The following SMARCC1 variants were observed in gnomAD, a reference collection of about 807,000 sequenced individuals.
SMARCC1 encodes the protein SWI/SNF complex subunit SMARCC1.
Under a neutral mutation model 147.4 loss-of-function variants are expected in SMARCC1, and 43 were observed. That is an observed-to-expected ratio of 0.29 (90% CI 0.23 to 0.38). The LOEUF (loss-of-function observed/expected upper bound fraction) is 0.38. Among genes scored for constraint, SMARCC1 ranks in the 10% least tolerant of loss-of-function variants. The pLI, the probability that SMARCC1 is intolerant of heterozygous loss-of-function variation, is 1.00. For synonymous variants in SMARCC1, 495 were observed against 484.4 expected, an observed-to-expected ratio of 1.02 and a Z score of -0.29; for missense variants, 1,119 against 1,381.1, an observed-to-expected ratio of 0.81 and a Z score of 3.01.
At chr3:47,768,439 G>A (rs2034866621) in intron 2 of SMARCC1, among the ~76,000 whole-genome samples, 1 of 152,044 alleles carries the variant, frequency 6.6e-6, no homozygotes, top group African/African-American at 2.4e-5. Flanking sequence ...TTAGTTCCCA[G>A]GAGTCAAATA....
rs1217987193 is a variant in SMARCC1, at chr3:47,678,309, T to C, written c.1460A>G (p.Tyr487Cys). ...AATCATAAAATTTCGATATGCCAAGTATCTAAAAAGCAATGGCAAAATTCA... is the reference window on the plus strand; with the variant it reads ...AATCATAAAATTTCGATATGCCAAGCATCTAAAAAGCAATGGCAAAATTCA... Reference protein sequence around the residue: ...GKNKSKTPEIYLAYRNFMIDT... With the variant: ...GKNKSKTPEICLAYRNFMIDT... The change falls in exon 16 of 28, where the codon TAC becomes TGC. Residue 487 changes from tyrosine (Y) to cysteine (C), a missense_variant and splice_region_variant. By Grantham distance (194) the Tyr-to-Cys change is radical. Coordinates refer to ENST00000254480, the MANE Select transcript of SMARCC1 (RefSeq NM_003074.4). 6.4e-7 allele frequency: 1 copy of C among 1,564,150 alleles called. No individual in the cohort carries two copies. The highest frequency in any genetic ancestry group is 8.7e-7 in the Non-Finnish European group (1 of 1,146,002).
intron 19 of SMARCC1, among the ~76,000 whole-genome samples, chr3:47,667,094 G>A (rs555609335): frequency 2.8e-4 from 42 of 152,228 alleles, no homozygotes; most frequent in South Asian, 6.2e-4. Flanking sequence ...GAGGTGGGCC[G>A]ATCACGAGGT....
chr3:47,771,218 T>C (rs1257240411), intron 2 of SMARCC1, among the ~76,000 whole-genome samples: 1 of 152,194 alleles, frequency 6.6e-6, no homozygotes, highest in African/African-American at 2.4e-5. Flanking sequence ...CTATTATTTC[T>C]TATTCTCAAT....
chr3:47,774,197 T>C (rs1005689737), intron 1 of SMARCC1, among the ~76,000 whole-genome samples: 1 of 151,502 alleles, frequency 6.6e-6, no homozygotes, highest in African/African-American at 2.4e-5. Flanking sequence ...GCTACTACCA[T>C]TGAAACTTAC....
intron 21 of SMARCC1, 34 bp downstream of exon 21, chr3:47,661,260 T>C (rs778417556): frequency 1.3e-6 from 2 of 1,565,010 alleles, no homozygotes; most frequent in Admixed American, 2.0e-5. Flanking sequence ...CAAACATATA[T>C]TAACCCTGTC....
At chr3:47,715,350 T>C (rs1182092050) in intron 7 of SMARCC1, among the ~76,000 whole-genome samples, 1 of 152,178 alleles carries the variant, frequency 6.6e-6, no homozygotes, top group Non-Finnish European at 1.5e-5. Flanking sequence ...CGATGTACTC[T>C]AGCCAATCAT....
At chr3:47,661,554 T>A in intron 20 of SMARCC1, 99 bp from the exon 21 acceptor site, 3 of 916,448 alleles carry the variant, frequency 3.3e-6, no homozygotes, top group Non-Finnish European at 5.0e-6. Flanking sequence ...TATTATTGTC[T>A]TAGGTGTAGC....
chr3:47,636,786 ATATGTGTGTG>A (rs57778416), intron 22 of SMARCC1, among the ~76,000 whole-genome samples: 11,370 of 140,914 alleles, frequency 0.081, 538 homozygotes, highest in East Asian at 0.12. Context: ...CAAAATATAT[ATATGTGTGTG>A]TGTGTGTGTG....
chr3:47,683,248 G>A (rs1016360218), intron 14 of SMARCC1, among the ~76,000 whole-genome samples: 58 of 151,672 alleles, frequency 3.8e-4, no homozygotes, highest in Non-Finnish European at 1.5e-4. Flanking sequence ...GGGTTTCACC[G>A]TGTTAGCCAG....
chr3:47,639,595 C>T (rs1435033739), intron 21 of SMARCC1, among the ~76,000 whole-genome samples: 3 of 151,932 alleles, frequency 2.0e-5, no homozygotes, highest in African/African-American at 7.3e-5. Context: ...GCACCTATAG[C>T]CCTAGTTACT....
intron 26 of SMARCC1, among the ~76,000 whole-genome samples, chr3:47,599,283 T>C (rs557992883): frequency 1.3e-5 from 2 of 152,054 alleles, no homozygotes; most frequent in South Asian, 4.2e-4. Context: ...CTTGGGAAGC[T>C]GAGGCAAGAG....
intron 19 of SMARCC1, among the ~76,000 whole-genome samples, chr3:47,668,197 C>T (rs1559639890): frequency 6.6e-6 from 1 of 151,994 alleles, no homozygotes; most frequent in East Asian, 1.9e-4. Flanking sequence ...TTTATAGCTA[C>T]TTATTCTTGT....
At chr3:47,716,926 A>G (rs1263808725) in intron 7 of SMARCC1, among the ~76,000 whole-genome samples, 1 of 152,192 alleles carries the variant, frequency 6.6e-6, no homozygotes, top group African/African-American at 2.4e-5. Context: ...TCTGGGCAAC[A>G]TATTTTTAAA....
intron 5 of SMARCC1, among the ~76,000 whole-genome samples, chr3:47,733,764 T>C (rs2034404951): frequency 6.7e-6 from 1 of 149,498 alleles, no homozygotes; most frequent in African/African-American, 2.5e-5. Context: ...CTCGGGAGGC[T>C]GAGGCAAGAG....
chr3:47,738,110 C>T lies in SMARCC1; in HGVS notation c.402G>A (p.Trp134Ter). ...AAYKYKNEQGWRRFDLQNPSR... is the reference protein window; with the variant it reads ...AAYKYKNEQG ...ATGGGTTCTGTAGGTCAAACCTCCGCCTAAAAAAAAAGAAAAACCCTAGTT... is the reference window on the plus strand; with the variant it reads ...ATGGGTTCTGTAGGTCAAACCTCCGTCTAAAAAAAAAGAAAAACCCTAGTT... The change falls in exon 4 of 28, where the codon TGG becomes TGA. Residue 134 changes from tryptophan (W) to a stop codon, truncating the protein, a stop_gained and splice_region_variant. Transcript: ENST00000254480. LOFTEE classifies it high-confidence loss of function. The T allele has an allele frequency of 6.5e-7, 1 of 1,540,712 alleles. No individual in the cohort carries two copies. Among genetic ancestry groups the T allele is most frequent in the Admixed American group, 2.1e-5 (1 of 48,082 alleles).
intron 9 of SMARCC1, among the ~76,000 whole-genome samples, chr3:47,707,876 C>G (rs1464515377): frequency 6.6e-6 from 1 of 152,046 alleles, no homozygotes. Flanking sequence ...GAGATTCTGT[C>G]TCATGCTAAA....
chr3:47,770,232 A>T (rs183450561), intron 2 of SMARCC1, among the ~76,000 whole-genome samples: 4 of 152,144 alleles, frequency 2.6e-5, no homozygotes, highest in East Asian at 1.9e-4. Context: ...TCTCAAAAAA[A>T]AAATAAATAA....
chr3:47,765,267 C>CAA (rs1260273583), intron 2 of SMARCC1, among the ~76,000 whole-genome samples: 5 of 131,464 alleles, frequency 3.8e-5, no homozygotes, highest in Admixed American at 2.3e-4. Flanking sequence ...CAAAAACATA[C>CAA]AAAAAAAAAA....
At chr3:47,598,704 C>T (rs1315278291) in intron 26 of SMARCC1, among the ~76,000 whole-genome samples, 2 of 151,574 alleles carry the variant, frequency 1.3e-5, no homozygotes, top group African/African-American at 2.4e-5. Flanking sequence ...GTGGTATATG[C>T]CTGTGGTCAC....
Sources: gnomAD v4.1 joint callset for allele counts (sites outside exome capture counted in the v4.1 genomes callset) on GRCh38, gnomAD v4.1.1 for gene constraint, MANE v1.5 for transcripts, NCBI Gene and HGNC (gene_info 2026-07-23, HGNC 2026-07-21) for gene names.